The following TMEM165 variants were observed in gnomAD, a reference collection of about 807,000 sequenced individuals.
TMEM165 encodes the protein putative divalent cation/proton antiporter TMEM165.
In TMEM165, 19 loss-of-function variants were observed where a neutral mutation model predicts 30.0. The ratio of observed to expected loss-of-function variants is 0.63; its 90% confidence interval spans 0.44 to 0.93. The LOEUF (loss-of-function observed/expected upper bound fraction) is 0.93, where lower values mean the gene tolerates loss of function less well. Ranked by LOEUF, TMEM165 falls within the 40% of genes least tolerant of loss-of-function variation. TMEM165 has a pLI of 0.00. For synonymous variants in TMEM165, 168 were observed against 162.9 expected, an observed-to-expected ratio of 1.03 and a Z score of -0.24; for missense variants, 340 against 417.0, an observed-to-expected ratio of 0.82 and a Z score of 1.61.
At chr4:55,437,680 G>A (rs1045366335) in intron 3 of TMEM165, among the ~76,000 whole-genome samples, 2 of 152,120 alleles carry the variant, frequency 1.3e-5, no homozygotes, top group Non-Finnish European at 2.9e-5. Context: ...TACACGTGAC[G>A]TTTACCAAGA....
intron 3 of TMEM165, chr4:55,449,579 A>C (rs1724243048): frequency 8.4e-7 from 1 of 1,192,568 alleles, no homozygotes; most frequent in South Asian, 1.3e-5. Flanking sequence ...ATTTCAGTTA[A>C]TAAAAATGGC....
At chr4:55,411,478 T>C (rs910196130) in intron 1 of TMEM165, 136 bp from the exon 2 acceptor site, 9 of 756,534 alleles carry the variant, frequency 1.2e-5, no homozygotes, top group Non-Finnish European at 1.5e-5. Flanking sequence ...TACTGATGGC[T>C]TTCAGAGTGA....
At chr4:55,448,575 T>G (rs1724081857) in intron 3 of TMEM165, among the ~76,000 whole-genome samples, 1 of 149,332 alleles carries the variant, frequency 6.7e-6, no homozygotes, top group African/African-American at 2.5e-5. Flanking sequence ...TAACTATAAT[T>G]ATATATGTGC....
chr4:55,426,660 A>G (rs1722214598), downstream of TMEM165, among the ~76,000 whole-genome samples: 1 of 152,220 alleles, frequency 6.6e-6, no homozygotes, highest in Admixed American at 6.5e-5. Context: ...TGTGAGGTAT[A>G]ATAGGAGACC....
intron 3 of TMEM165, among the ~76,000 whole-genome samples, chr4:55,447,731 T>A (rs1420303333): frequency 1.3e-5 from 2 of 152,186 alleles, no homozygotes; most frequent in African/African-American, 2.4e-5. Flanking sequence ...CTATCATATA[T>A]GTATGACTTA....
At chr4:55,425,119 C>T (rs1219216877) in intron 5 of TMEM165, among the ~76,000 whole-genome samples, 1 of 152,214 alleles carries the variant, frequency 6.6e-6, no homozygotes, top group Admixed American at 6.5e-5. Flanking sequence ...TGCTTGCCAG[C>T]ACTGTCTGGA....
At chr4:55,410,383 A>G (rs1721440141) in intron 1 of TMEM165, among the ~76,000 whole-genome samples, 1 of 152,182 alleles carries the variant, frequency 6.6e-6, no homozygotes, top group African/African-American at 2.4e-5. Flanking sequence ...ATGACAGCCA[A>G]GACACTGGTT....
intron 3 of TMEM165, chr4:55,443,844 GA>G: frequency 6.2e-7 from 1 of 1,613,756 alleles, no homozygotes; most frequent in African/African-American, 1.3e-5. Context: ...ATTTCCAGAA[GA>G]AAGTTGAACG....
intron 1 of TMEM165, among the ~76,000 whole-genome samples, chr4:55,406,473 A>C (rs1298624044): frequency 2.0e-5 from 3 of 152,198 alleles, no homozygotes; most frequent in Non-Finnish European, 4.4e-5. Flanking sequence ...GTGTGTATTT[A>C]TGATACTTAC....
At chr4:55,410,090 C>T (rs1248999163) in intron 1 of TMEM165, among the ~76,000 whole-genome samples, 1 of 152,166 alleles carries the variant, frequency 6.6e-6, no homozygotes, top group Non-Finnish European at 1.5e-5. Flanking sequence ...TTGCCTCCCA[C>T]CAGCCTTCCC....
In TMEM165 at chr4:55,448,817, G is replaced by C. The variant is rs534606919; in HGVS notation, c.409-3422G>C. ...TGTGGAATTGGTAAATTTGTAGCTT[G>C]AGACATCACTGGCTGTGTTAATGAT... On this transcript the variant is annotated intron_variant, in intron 3 of 3. Coordinates refer to the TMEM165 transcript ENST00000608091. 5 of 1,613,984 alleles carry C rather than the reference G, an allele frequency of 3.1e-6. No homozygotes were observed. The East Asian group carries it at 6.7e-5, about 22-fold the overall frequency.
At chr4:55,425,223 T>G (rs949041679) in intron 5 of TMEM165, among the ~76,000 whole-genome samples, 153 bp from the exon 6 acceptor site, 1 of 152,256 alleles carries the variant, frequency 6.6e-6, no homozygotes, top group African/African-American at 2.4e-5. Flanking sequence ...TTCCTTGTTA[T>G]GTAAAAGGGG....
At chr4:55,441,934 A>G (rs1383584295) in intron 3 of TMEM165, among the ~76,000 whole-genome samples, 1 of 152,206 alleles carries the variant, frequency 6.6e-6, no homozygotes, top group Non-Finnish European at 1.5e-5. Context: ...TTAACTAGCT[A>G]TAGATCCCTT....
Position 55,396,186 on chromosome 4 carries a change from C to T in TMEM165, c.-4C>T, listed in dbSNP as rs746779095. The T allele has an allele frequency of 5.0e-6, 7 of 1,401,892 alleles. 1 individual carries two copies. The Admixed American group carries it at 9.5e-5, about 19-fold the overall frequency. 86.8% of individuals were successfully genotyped at this position (1,401,892 alleles called of 1,614,324 possible). ...GCCCGTGCGCGGCCGGCCCGGCAGG[C>T]GGGATGGCGGCCGCGGCTCCAGGGA... On this transcript the variant is annotated 5_prime_UTR_variant, in exon 1 of 6. Transcript: ENST00000381334.
At position 55,396,169 on chromosome 4, in the gene TMEM165, G is replaced by C; in HGVS notation, c.-21G>C. The C allele has an allele frequency of 7.4e-7, 1 of 1,348,530 alleles. No individual in the cohort carries two copies. Among genetic ancestry groups the C allele is most frequent in the Non-Finnish European group, 9.4e-7 (1 of 1,063,020 alleles). The allele number at this position is 1,348,530 out of a possible 1,614,324, so 83.5% of individuals were successfully genotyped here. A position where few individuals can be genotyped will look rare whatever the true frequency, so the allele number is the denominator to read the frequency against. On this transcript the variant is annotated 5_prime_UTR_variant, in exon 1 of 6. Coordinates refer to ENST00000381334, the MANE Select transcript of TMEM165 (RefSeq NM_018475.5). ...GCACTTCCTCTTGCGGCGCCCGTGC[G>C]CGGCCGGCCCGGCAGGCGGGATGGC...
In TMEM165 at chr4:55,450,343, A is replaced by G. The variant is rs1232737923; in HGVS notation, c.409-1896A>G. The G allele has an allele frequency of 2.4e-6, 3 of 1,230,708 alleles. No individual in the cohort carries two copies. In the African/African-American group the frequency reaches 4.4e-5, roughly 18 times the overall value. The allele number at this position is 1,230,708 out of a possible 1,614,324, so 76.2% of individuals were successfully genotyped here. A position where few individuals can be genotyped will look rare whatever the true frequency, so the allele number is the denominator to read the frequency against. On this transcript the variant is annotated intron_variant, in intron 3 of 3. Transcript: ENST00000608091. ...ATCAGTTTTTGTCTATAACAAGGCA[A>G]AAGTACCTGTATGTACATACACATG...
At chr4:55,438,612 A>G in intron 3 of TMEM165, 4 of 1,605,356 alleles carry the variant, frequency 2.5e-6, no homozygotes, top group Non-Finnish European at 3.4e-6. Context: ...TGGAGTAAAT[A>G]CTTACCTAAG....
At chr4:55,397,390 T>C (rs977424314) in intron 1 of TMEM165, 1 of 152,080 alleles carries the variant, frequency 6.6e-6, no homozygotes, top group African/African-American at 2.4e-5. Context: ...GCTCATATGC[T>C]AAAGGGATAT....
chr4:55,407,040 G>A (rs753241766), intron 1 of TMEM165, among the ~76,000 whole-genome samples: 1 of 152,206 alleles, frequency 6.6e-6, no homozygotes, highest in African/African-American at 2.4e-5. Flanking sequence ...AATTCCTTGA[G>A]TGTTTCTGTC....
Sources: allele counts gnomAD v4.1 joint callset (sites outside exome capture counted in the v4.1 genomes callset), GRCh38; gene constraint gnomAD v4.1.1; transcripts MANE v1.5; gene names NCBI Gene and HGNC (gene_info 2026-07-23, HGNC 2026-07-21).